Variants in MTERF4 observed in about 807,000 individuals in gnomAD.
The protein encoded by MTERF4 is transcription termination factor 4, mitochondrial.
MTERF4 carries 17 observed loss-of-function variants against 22.5 expected under a neutral mutation model. That is an observed-to-expected ratio of 0.75 (90% CI 0.52 to 1.13). The LOEUF is 1.13. Among genes scored for constraint, MTERF4 ranks in the 50% most tolerant of loss-of-function variants. The pLI is 0.00. For synonymous variants in MTERF4, 165 were observed against 175.3 expected, an observed-to-expected ratio of 0.94 and a Z score of 0.47; for missense variants, 420 against 466.8, an observed-to-expected ratio of 0.90 and a Z score of 0.92.
chr2:241,080,623 T>C (rs1038189555), intron 4 of MTERF4, among the ~76,000 whole-genome samples: 2 of 152,226 alleles, frequency 1.3e-5, no homozygotes, highest in Admixed American at 6.5e-5. Flanking sequence ...GGAGCCAACC[T>C]GAAGGGCTCC....
downstream of MTERF4, among the ~76,000 whole-genome samples, chr2:241,085,901 C>T (rs966136095): frequency 1.6e-5 from 2 of 121,776 alleles, no homozygotes; most frequent in Non-Finnish European, 3.2e-5. Flanking sequence ...GTGTCTTGCT[C>T]TGTCGCCCAG....
downstream of MTERF4, chr2:241,071,555 T>C: frequency 6.4e-7 from 1 of 1,572,040 alleles, no homozygotes; most frequent in Non-Finnish European, 8.6e-7. Context: ...GACCAGCCCC[T>C]TCCTCCTGCC....
downstream of MTERF4, chr2:241,092,510 A>G (rs1489616375): frequency 6.6e-6 from 1 of 152,088 alleles, no homozygotes; most frequent in African/African-American, 2.4e-5. The surrounding 1 kb of genome is among the most constrained non-coding windows in gnomAD (Gnocchi z 4.6). Context: ...AGCCTTAAAC[A>G]GTGGAAGCCA....
the MTERF4 span, among the ~76,000 whole-genome samples, chr2:241,057,093 A>G: frequency 6.6e-6 from 1 of 151,990 alleles, no homozygotes; most frequent in Non-Finnish European, 1.5e-5. Context: ...TAAATATTGA[A>G]ATAGGTTGGG....
At chr2:241,089,822 C>T (rs141321240), downstream of MTERF4, among the ~76,000 whole-genome samples, 1,474 of 152,380 alleles carry the variant, frequency 9.7e-3, 20 homozygotes, top group African/African-American at 0.033. Context: ...CCGCGTACTG[C>T]GCACCTAGGC....
At chr2:241,062,882 T>C in the MTERF4 span, 3 of 1,606,684 alleles carry the variant, frequency 1.9e-6, no homozygotes, top group Non-Finnish European at 2.5e-6. Flanking sequence ...GCACAGGCTA[T>C]GAGGGCGCCC....
chr2:241,047,135 C>T, the MTERF4 span, among the ~76,000 whole-genome samples: 4 of 116,810 alleles, frequency 3.4e-5, no homozygotes, highest in Admixed American at 1.1e-4. Flanking sequence ...GGCAAGAGAG[C>T]GAGACTCTGT....
the MTERF4 span, chr2:241,048,990 A>G: frequency 1.3e-6 from 2 of 1,558,918 alleles, no homozygotes; most frequent in Non-Finnish European, 1.8e-6. Context: ...GACATGTGGA[A>G]TATGGGATGG....
chr2:241,078,091 G>C (rs562587928), intron 4 of MTERF4, among the ~76,000 whole-genome samples: 1 of 152,104 alleles, frequency 6.6e-6, no homozygotes, highest in Admixed American at 6.6e-5. Flanking sequence ...ATCAACTAAC[G>C]AAAGGAAAAG....
chr2:241,082,575 G>T (rs1220650635), downstream of MTERF4, among the ~76,000 whole-genome samples: 1 of 152,214 alleles, frequency 6.6e-6, no homozygotes, highest in Non-Finnish European at 1.5e-5. Context: ...ATGCAGCTCA[G>T]GAGCAGGGGC....
chr2:241,046,840 A>G, the MTERF4 span, among the ~76,000 whole-genome samples: 1 of 152,218 alleles, frequency 6.6e-6, no homozygotes, highest in Non-Finnish European at 1.5e-5. Flanking sequence ...GAAGAAACTG[A>G]ACATCTTTTA....
chr2:241,050,100 C>CA, the MTERF4 span: 1 of 686,370 alleles, frequency 1.5e-6, no homozygotes, highest in East Asian at 2.7e-5. Context: ...GTGAGCACCT[C>CA]ACTGTTTGGA....
intron 2 of MTERF4, among the ~76,000 whole-genome samples, chr2:241,098,201 T>C (rs543007232): frequency 1.3e-5 from 2 of 152,380 alleles, no homozygotes; most frequent in East Asian, 3.9e-4. Context: ...AGTTTAGGTT[T>C]ATCTTCATTT....
downstream of MTERF4, chr2:241,088,020 G>A (rs747344532): frequency 1.8e-4 from 71 of 392,780 alleles, no homozygotes; most frequent in Non-Finnish European, 2.5e-4. Context: ...GGGCAAGGCC[G>A]CAGCCTGCAG....
the MTERF4 span, chr2:241,049,907 G>C: frequency 6.2e-7 from 1 of 1,613,728 alleles, no homozygotes; most frequent in Non-Finnish European, 8.5e-7. Context: ...TGCCCGCGCG[G>C]GTTCCACGGC....
chr2:241,082,661 G>A (rs2063384712), downstream of MTERF4, among the ~76,000 whole-genome samples: 1 of 152,206 alleles, frequency 6.6e-6, no homozygotes, highest in African/African-American at 2.4e-5. Context: ...CCCACTGGAT[G>A]GCAGAGCCAA....
downstream of MTERF4, among the ~76,000 whole-genome samples, chr2:241,067,316 G>C (rs2062496792): frequency 6.6e-6 from 1 of 152,204 alleles, no homozygotes; most frequent in Non-Finnish European, 1.5e-5. Flanking sequence ...CCCCTTCCCT[G>C]CAGTTGCTGG....
intron 1 of MTERF4, among the ~76,000 whole-genome samples, chr2:241,101,852 A>G (rs573892328): frequency 6.6e-6 from 1 of 152,338 alleles, no homozygotes; most frequent in South Asian, 2.1e-4. Context: ...CAGAAGTTAC[A>G]GACCAGACTG....
At position 241,099,871 on chromosome 2, in the gene MTERF4, G is replaced by A; in HGVS notation, c.45C>T (p.Ile15=). 1.2e-6 allele frequency: 2 copies of A among 1,613,164 alleles called. No individual in the cohort carries two copies. The highest frequency in any genetic ancestry group is 1.1e-5 in the South Asian group (1 of 91,066). Residue 15 remains isoleucine (I), a synonymous_variant, in exon 2 of 4, where the codon ATC becomes ATT. Coordinates refer to ENST00000391980, the MANE Select transcript of MTERF4 (RefSeq NM_182501.4). ...GRQVLDWHRL[I]PLTWACMARQ... ...TAGCCATACAGGCCCAGGTGAGGGGGATCAGGCGGTGCCAATCAAGGACCT... is the reference window on the plus strand; with the variant it reads ...TAGCCATACAGGCCCAGGTGAGGGGAATCAGGCGGTGCCAATCAAGGACCT...
Sources: allele counts gnomAD v4.1 joint callset (sites outside exome capture counted in the v4.1 genomes callset), GRCh38; gene constraint gnomAD v4.1.1; non-coding constraint Gnocchi (gnomAD v3.1); transcripts MANE v1.5; gene names NCBI Gene and HGNC (gene_info 2026-07-23, HGNC 2026-07-21).